Variants in RIPOR2 observed in about 807,000 individuals in gnomAD.
RIPOR2 encodes the protein rho family-interacting cell polarization regulator 2.
Under a neutral mutation model 114.5 loss-of-function variants are expected in RIPOR2, and 39 were observed. The ratio of observed to expected loss-of-function variants is 0.34; its 90% CI spans 0.26 to 0.44. The LOEUF (loss-of-function observed/expected upper bound fraction) is 0.44, where lower values mean the gene tolerates loss of function less well. RIPOR2 is among the 20% of genes least tolerant of loss of function. The pLI, the probability that RIPOR2 is intolerant of heterozygous loss-of-function variation, is 1.00. For missense variants in RIPOR2, 1,007 were observed against 1,255.1 expected (o/e 0.80, Z 2.99); for synonymous variants, 445 against 484.4 (o/e 0.92, Z 1.07).
At chr6:24,856,196 C>T (rs2113807006) in intron 8 of RIPOR2, among the ~76,000 whole-genome samples, 1 of 152,240 alleles carries the variant, frequency 6.6e-6, no homozygotes, top group East Asian at 1.9e-4. Context: ...GGCAGAAACT[C>T]ACCAGCTCGT....
intron 6 of RIPOR2, among the ~76,000 whole-genome samples, chr6:24,868,771 T>A (rs924894997): frequency 2.0e-5 from 3 of 152,194 alleles, no homozygotes; most frequent in Non-Finnish European, 1.5e-5. Flanking sequence ...TAGACAAACA[T>A]GAAGTTTTTT....
chr6:24,910,923 T>C (rs1769506117), intron 1 of RIPOR2: 1 of 985,300 alleles, frequency 1.0e-6, no homozygotes, highest in African/African-American at 1.7e-5. Flanking sequence ...ACCTCCGGCT[T>C]TGCAGACAGC....
chr6:24,940,744 C>A (rs1160519057), upstream of RIPOR2, among the ~76,000 whole-genome samples: 4 of 152,010 alleles, frequency 2.6e-5, no homozygotes, highest in Non-Finnish European at 5.9e-5. Flanking sequence ...CTCCCGGGTT[C>A]AAGTGATTCT....
At chr6:24,937,402 C>T (rs1012627158), upstream of RIPOR2, among the ~76,000 whole-genome samples, 15 of 152,234 alleles carry the variant, frequency 9.9e-5, no homozygotes, top group African/African-American at 3.1e-4. Flanking sequence ...ACCAATAATG[C>T]CCACCTTGAG....
rs1032414943 is a variant in RIPOR2, at chr6:24,849,891, G to C, written c.945C>G (p.Thr315=). ...HILVGSVTCE[T]KELFAARPQV... ...GAGGTCGGGCTGCAAACAGCTCTTT[G>C]GTCTCACAGGTCACGCTACCTACCA... is the stretch of plus-strand genomic sequence containing the variant. The change falls in exon 11 of 22, where the codon ACC becomes ACG. Residue 315 remains threonine (T), a synonymous_variant. Transcript: ENST00000643898. 2.5e-6 allele frequency: 4 copies of C among 1,613,822 alleles called. No homozygotes were observed. The highest frequency in any genetic ancestry group is 3.4e-6 in the Non-Finnish European group (4 of 1,179,788).
chr6:25,005,694 G>GATATATATAT lies in RIPOR2; in HGVS notation c.76+36147_76+36156dup, dbSNP rs34057286. On this transcript the variant is annotated intron_variant, in intron 1 of 13. Transcript: ENST00000510784. ...GTTTCAAAAATAAAATCCCTATGGA[G>GATATATATAT]ATATATATATATATATATATATATA... Among the ~76,000 whole-genome samples the GATATATATAT allele has an allele frequency of 8.2e-4, 37 of 45,376 alleles. 1 individual carries two copies. The highest frequency in any genetic ancestry group is 1.5e-3 in the East Asian group (2 of 1,360). 29.8% of individuals were successfully genotyped at this position (45,376 alleles called of 152,430 possible).
At chr6:24,948,848 A>T (rs183552336) in intron 1 of RIPOR2, among the ~76,000 whole-genome samples, 279 of 152,090 alleles carry the variant, frequency 1.8e-3, no homozygotes, top group African/African-American at 6.1e-3. Context: ...TATTTCAAAC[A>T]TTTTTTTGCC....
Position 24,830,663 on chromosome 6 carries a change from T to C in RIPOR2, c.2352A>G (p.Pro784=). The change falls in exon 17 of 22, where the codon CCA becomes CCG. Residue 784 remains proline, a synonymous_variant. Coordinates refer to ENST00000643898, the MANE Select transcript of RIPOR2 (RefSeq NM_001286445.3). ...GCAAAGACAGCTTTTTGTGAAATTC[T>C]GGTATGGCTGGAAAAGAAGAGCAAC... ...GNISSVVEAI[P]EFHKKLSLLS... is the part of the protein sequence containing the mutation. 2 of 1,550,450 alleles carry C rather than the reference T, an allele frequency of 1.3e-6. No individual in the cohort carries two copies. Among genetic ancestry groups the C allele is most frequent in the South Asian group, 2.4e-5 (2 of 83,938 alleles).
At chr6:24,882,311 T>TA (rs1766427197) in intron 1 of RIPOR2, among the ~76,000 whole-genome samples, 1 of 152,246 alleles carries the variant, frequency 6.6e-6, no homozygotes, top group Admixed American at 6.5e-5. Context: ...GCTAGATATA[T>TA]ATATTAAAGT....
intron 19 of RIPOR2, 135 bp downstream of exon 19, chr6:24,825,091 G>T: frequency 1.5e-6 from 1 of 677,036 alleles, no homozygotes; most frequent in Non-Finnish European, 2.4e-6. Context: ...CTTTAGTTTT[G>T]ATTGCTTTAT....
At chr6:24,932,364 G>C (rs1490844173) in intron 1 of RIPOR2, among the ~76,000 whole-genome samples, 1 of 152,072 alleles carries the variant, frequency 6.6e-6, no homozygotes, top group Non-Finnish European at 1.5e-5. Context: ...GAAAAAGAGA[G>C]AGAAGAAACA....
intron 1 of RIPOR2, among the ~76,000 whole-genome samples, chr6:24,962,774 T>C (rs1251812248): frequency 6.6e-6 from 1 of 152,188 alleles, no homozygotes; most frequent in Non-Finnish European, 1.5e-5. Flanking sequence ...TCCTTAGTCT[T>C]GTGAAAATCT....
chr6:24,870,777 G>T, intron 5 of RIPOR2, 89 bp downstream of exon 5: 1 of 941,430 alleles, frequency 1.1e-6, no homozygotes, highest in Non-Finnish European at 1.7e-6. Context: ...GCCTCCCAAA[G>T]TGCTGGGATG....
intron 8 of RIPOR2, among the ~76,000 whole-genome samples, chr6:24,860,332 G>T (rs1443894765): frequency 1.3e-5 from 2 of 152,122 alleles, no homozygotes; most frequent in Non-Finnish European, 2.9e-5. Flanking sequence ...AGAAAAAAAG[G>T]TAGGGAGAGG....
chr6:24,952,434 C>T (rs1398603313), intron 1 of RIPOR2, among the ~76,000 whole-genome samples: 1 of 152,132 alleles, frequency 6.6e-6, no homozygotes, highest in African/African-American at 2.4e-5. Flanking sequence ...AGCTGATTTG[C>T]AGTGCTTATG....
chr6:24,896,949 C>T (rs1372527870), intron 1 of RIPOR2, among the ~76,000 whole-genome samples: 1 of 152,116 alleles, frequency 6.6e-6, no homozygotes, highest in Non-Finnish European at 1.5e-5. Flanking sequence ...AAATGTGGCA[C>T]AGGATCCCAG....
intron 1 of RIPOR2, among the ~76,000 whole-genome samples, chr6:24,986,524 T>C (rs1246517900): frequency 6.6e-6 from 1 of 152,032 alleles, no homozygotes; most frequent in Non-Finnish European, 1.5e-5. Flanking sequence ...ACCAACCAAA[T>C]AATGTAGTTG....
At chr6:24,828,360 A>ATTC in intron 17 of RIPOR2, 65 bp from the exon 18 acceptor site, 2 of 1,276,588 alleles carry the variant, frequency 1.6e-6, no homozygotes, top group East Asian at 2.9e-5. Context: ...TCATTCATTC[A>ATTC]ATAATTTTTA....
intron 1 of RIPOR2, among the ~76,000 whole-genome samples, chr6:24,948,726 T>G (rs1185838255): frequency 6.6e-6 from 1 of 152,130 alleles, no homozygotes; most frequent in African/African-American, 2.4e-5. Flanking sequence ...AGATGGGGTT[T>G]CTCCATGTTG....
Sources: gnomAD v4.1 joint callset for allele counts (sites outside exome capture counted in the v4.1 genomes callset) on GRCh38, gnomAD v4.1.1 for gene constraint, MANE v1.5 for transcripts, NCBI Gene and HGNC (gene_info 2026-07-23, HGNC 2026-07-21) for gene names.